The following PSD3 variants were observed in gnomAD, a reference collection of about 807,000 sequenced individuals.
PSD3 encodes pleckstrin and Sec7 domain containing 3.
PSD3 carries 49 observed loss-of-function variants against 105.5 expected under a neutral mutation model. The observed-to-expected ratio is 0.46, with a 90% CI of 0.37 to 0.59. The LOEUF is 0.59. Among genes scored for constraint, PSD3 ranks in the 20% least tolerant of loss-of-function variants. The probability of loss-of-function intolerance (pLI) is 0.00; values close to 1 mark genes in which losing one functional copy is unlikely to be tolerated. For missense variants in PSD3, 1,561 were observed against 1,263.8 expected (o/e 1.24, Z -3.57); for synonymous variants, 557 against 457.8 (o/e 1.22, Z -2.77).
chr8:19,077,227 GATAAA>G (rs1430527023), intron 1 of PSD3, among the ~76,000 whole-genome samples: 1 of 152,158 alleles, frequency 6.6e-6, no homozygotes, highest in Non-Finnish European at 1.5e-5. Flanking sequence ...GCTCCTTGCA[GATAAA>G]ATGAGATTTT....
At chr8:18,776,162 A>G (rs1428171710) in intron 8 of PSD3, among the ~76,000 whole-genome samples, 1 of 151,436 alleles carries the variant, frequency 6.6e-6, no homozygotes, top group Non-Finnish European at 1.5e-5. Context: ...CTATAAATGC[A>G]TGGATTTCTA....
intron 2 of PSD3, among the ~76,000 whole-genome samples, chr8:18,893,941 A>C (rs1028692931): frequency 6.6e-6 from 1 of 152,154 alleles, no homozygotes; most frequent in Admixed American, 6.5e-5. Context: ...TGTTCTTCTT[A>C]TTTCACATTC....
intron 9 of PSD3, among the ~76,000 whole-genome samples, chr8:18,743,957 TCTCACCACCACCACCACCACC>T (rs1025203663): frequency 1.4e-4 from 10 of 73,892 alleles, no homozygotes; most frequent in African/African-American, 4.7e-4. Context: ...AAACTCTGTC[TCTCACCACCACCACCACCACC>T]ACCACCACCA....
Position 18,582,333 on chromosome 8 carries a change from A to G in PSD3, c.2482-7048T>C, listed in dbSNP as rs1585299752. On this transcript the variant is annotated intron_variant, in intron 12 of 15. Coordinates refer to ENST00000327040, the MANE Select transcript of PSD3 (RefSeq NM_015310.4). ...TTGACGTGGCACTCTCCAATTCCCTATCTTACCTTTTCATGACAGGACACA... is the reference window on the plus strand; with the variant it reads ...TTGACGTGGCACTCTCCAATTCCCTGTCTTACCTTTTCATGACAGGACACA... 2.6e-5 allele frequency among the ~76,000 whole-genome samples: 4 copies of G among 152,226 alleles called. 1 individual carries two copies. The Middle Eastern group carries it at 0.014, about 518-fold the overall frequency.
chr8:18,575,147 C>A lies in PSD3; in HGVS notation c.2620G>T (p.Val874Phe). Residue 874 changes from valine to phenylalanine, a missense_variant, in exon 13 of 16, where the codon GTC becomes TTC. Physicochemically the swap from Val to Phe is conservative, Grantham distance 50. Transcript: ENST00000327040. The stretch of plus-strand genomic sequence containing the variant: ...ACATACTGAGTTTGAAAAAGCAAGA[C>A]CCTCCAGTCGGCAGTTTTAAGTTTA... ...VFKLKTADWR[V>F]LLFQTQSPEE... The A allele has an allele frequency of 6.2e-7, 1 of 1,612,804 alleles. No homozygotes were observed.
At chr8:18,618,486 C>A (rs1483994515) in intron 11 of PSD3, among the ~76,000 whole-genome samples, 1 of 151,108 alleles carries the variant, frequency 6.6e-6, no homozygotes, top group East Asian at 1.9e-4. Flanking sequence ...AAAATGATGG[C>A]AAATGATGAA....
At chr8:18,895,445 T>C (rs1819083594) in intron 2 of PSD3, among the ~76,000 whole-genome samples, 1 of 152,226 alleles carries the variant, frequency 6.6e-6, no homozygotes, top group South Asian at 2.1e-4. Flanking sequence ...GTCTCATGCA[T>C]TTACGCATTT....
At chr8:18,793,427 T>G (rs190144743) in intron 8 of PSD3, among the ~76,000 whole-genome samples, 2 of 148,608 alleles carry the variant, frequency 1.3e-5, no homozygotes, top group Non-Finnish European at 3.0e-5. Flanking sequence ...GCAAACCACG[T>G]TGGCATTTGT....
intron 11 of PSD3, among the ~76,000 whole-genome samples, chr8:18,622,830 G>A (rs1806210557): frequency 1.3e-5 from 2 of 152,004 alleles, no homozygotes; most frequent in African/African-American, 4.8e-5. Flanking sequence ...CTCTCTCCCT[G>A]CTCCCTCTTA....
chr8:19,050,701 G>A (rs1209502049), intron 1 of PSD3, among the ~76,000 whole-genome samples: 2 of 152,166 alleles, frequency 1.3e-5, no homozygotes, highest in Non-Finnish European at 2.9e-5. Flanking sequence ...TGGTGGGAAG[G>A]GGGAGGGATA....
At chr8:18,966,265 C>A (rs1824237251) in intron 1 of PSD3, among the ~76,000 whole-genome samples, 1 of 152,118 alleles carries the variant, frequency 6.6e-6, no homozygotes, top group African/African-American at 2.4e-5. Flanking sequence ...CTATACTAGG[C>A]TGTCAAACAG....
At chr8:18,968,871 AAT>A (rs1491075452) in intron 1 of PSD3, among the ~76,000 whole-genome samples, 7 of 130,962 alleles carry the variant, frequency 5.3e-5, no homozygotes, top group Admixed American at 8.3e-5. Context: ...GCAAAAAAAA[AAT>A]GTCTCCAAAA....
chr8:18,711,538 T>G (rs973311213), intron 9 of PSD3, among the ~76,000 whole-genome samples: 5 of 152,072 alleles, frequency 3.3e-5, no homozygotes, highest in Non-Finnish European at 1.5e-5. Flanking sequence ...AAGAAGTGCC[T>G]CACATAACGG....
intron 4 of PSD3, among the ~76,000 whole-genome samples, chr8:18,832,352 A>G (rs1049718117): frequency 3.3e-5 from 5 of 152,174 alleles, no homozygotes; most frequent in African/African-American, 1.2e-4. Context: ...ACTGTGCACA[A>G]CTCCAGTAAA....
rs1329604955 is a variant in PSD3, at chr8:18,572,629, C to A, written c.2683G>T (p.Val895Leu). Residue 895 changes from valine (V) to leucine (L), a missense_variant, in exon 14 of 16, where the codon GTG (valine) becomes TTG (leucine). Coordinates refer to ENST00000327040, the MANE Select transcript of PSD3 (RefSeq NM_015310.4). ...MQGWINKINC[V>L]AAVFSAPPFP... Reference sequence around the variant, plus strand: ...GGTGGTGCAGAAAATACAGCTGCCACACAATTGATTTTGTTTATCCACCCT... The same window carrying A: ...GGTGGTGCAGAAAATACAGCTGCCAAACAATTGATTTTGTTTATCCACCCT... The A allele has an allele frequency of 6.2e-7, 1 of 1,614,042 alleles. No individual in the cohort carries two copies. The highest frequency in any genetic ancestry group is 2.2e-5 in the East Asian group (1 of 44,870).
At chr8:18,548,570 G>A (rs2634456) in intron 15 of PSD3, among the ~76,000 whole-genome samples, 15,565 of 152,164 alleles carry the variant, frequency 0.1, 860 homozygotes, top group African/African-American at 0.13. Flanking sequence ...TTCTTACACT[G>A]TACGTGTTCT....
intron 4 of PSD3, among the ~76,000 whole-genome samples, chr8:18,830,835 C>G (rs188774554): frequency 5.5e-4 from 84 of 152,268 alleles, no homozygotes; most frequent in Non-Finnish European, 1.0e-3. Context: ...TCAACCTAAA[C>G]CATCTATGAG....
chr8:19,056,118 C>G (rs2129477372), intron 1 of PSD3, among the ~76,000 whole-genome samples: 1 of 152,330 alleles, frequency 6.6e-6, no homozygotes, highest in Non-Finnish European at 1.5e-5. Flanking sequence ...GAAATGCGAT[C>G]ACTTGCAGTA....
intron 4 of PSD3, among the ~76,000 whole-genome samples, chr8:18,829,313 A>C (rs1472294129): frequency 6.6e-6 from 1 of 152,208 alleles, no homozygotes; most frequent in Non-Finnish European, 1.5e-5. Context: ...ATACCATAGA[A>C]AAACTAAAAA....
Sources: allele counts gnomAD v4.1 joint callset (sites outside exome capture counted in the v4.1 genomes callset), GRCh38; gene constraint gnomAD v4.1.1; transcripts MANE v1.5; gene names NCBI Gene and HGNC (gene_info 2026-07-23, HGNC 2026-07-21).